HCRTR1: variants seen among roughly 807,000 people sequenced by gnomAD.
HCRTR1 encodes hypocretin receptor 1, also known as orexin/Hypocretin receptor type 1.
HCRTR1 carries 28 observed loss-of-function variants against 40.6 expected under a neutral mutation model. The ratio of observed to expected loss-of-function variants is 0.69; its 90% CI spans 0.51 to 0.95. HCRTR1 has a LOEUF of 0.95. HCRTR1 is among the 40% of genes least tolerant of loss of function. The pLI is 0.00. For missense variants in HCRTR1, 482 were observed against 564.7 expected, an observed-to-expected ratio of 0.85 and a Z score of 1.48; for synonymous variants, 209 against 230.0, an observed-to-expected ratio of 0.91 and a Z score of 0.83.
chr1:31,619,890 A>G (rs963446699), intron 4 of HCRTR1, among the ~76,000 whole-genome samples, 180 bp downstream of exon 4: 2 of 152,220 alleles, frequency 1.3e-5, no homozygotes, highest in Admixed American at 1.3e-4. Flanking sequence ...ACTCGAGGAC[A>G]CAGACACAAC....
downstream of HCRTR1, among the ~76,000 whole-genome samples, chr1:31,628,403 A>G (rs1283724445): frequency 6.6e-6 from 1 of 152,218 alleles, no homozygotes; most frequent in African/African-American, 2.4e-5. Flanking sequence ...TGCTGCCAGG[A>G]GGATGGGCTC....
chr1:31,626,726 G>A lies in HCRTR1; in HGVS notation c.1088-64G>A. 1 of 1,548,686 alleles carries A rather than the reference G, an allele frequency of 6.5e-7. No homozygotes were observed. Among genetic ancestry groups the A allele is most frequent in the Non-Finnish European group, 8.7e-7 (1 of 1,144,772 alleles). ...GGCTGGAGCTGCGTGGGTGTCCCTG[G>A]GCTCAAGGCCCCTTCCTGCTGCATC... On this transcript the variant is annotated intron_variant, in intron 8 of 8. Coordinates refer to ENST00000403528, the MANE Select transcript of HCRTR1 (RefSeq NM_001525.3). This position sits in a 1 kb window ranked among gnomAD's most constrained non-coding sequence, Gnocchi z 4.6.
chr1:31,627,962 C>T (rs1258570915), downstream of HCRTR1, among the ~76,000 whole-genome samples: 2 of 152,210 alleles, frequency 1.3e-5, no homozygotes, highest in Admixed American at 1.3e-4. Context: ...AAGGCTTGCG[C>T]CTATTTTCTA....
At chr1:31,633,944 A>G (rs1420731626), downstream of HCRTR1, among the ~76,000 whole-genome samples, 1 of 151,770 alleles carries the variant, frequency 6.6e-6, no homozygotes, top group Non-Finnish European at 1.5e-5. Context: ...AACAAAAGCG[A>G]AACTCCATCT....
At chr1:31,627,771 A>G (rs766519306), downstream of HCRTR1, among the ~76,000 whole-genome samples, 4 of 152,180 alleles carry the variant, frequency 2.6e-5, no homozygotes, top group Non-Finnish European at 4.4e-5. Flanking sequence ...GGACTCAGCC[A>G]GGCCTCGGCA....
downstream of HCRTR1, among the ~76,000 whole-genome samples, chr1:31,631,890 T>C (rs928630240): frequency 2.0e-5 from 3 of 150,512 alleles, no homozygotes; most frequent in Non-Finnish European, 4.4e-5. Context: ...GGGAGCCCTT[T>C]CTCCCTCCTG....
chr1:31,619,736 C>A (rs200436125), intron 4 of HCRTR1, 26 bp downstream of exon 4: 6 of 1,566,624 alleles, frequency 3.8e-6, no homozygotes, highest in East Asian at 4.5e-5. Context: ...GCACCCCTCA[C>A]CACTCCTTGT....
chr1:31,626,631 C>G lies in HCRTR1; in HGVS notation c.1088-159C>G, dbSNP rs568542963. Among the ~76,000 whole-genome samples the G allele has an allele frequency of 4.6e-5, 7 of 152,242 alleles. No homozygotes were observed. Among genetic ancestry groups the G allele is most frequent in the African/African-American group, 7.2e-5 (3 of 41,524 alleles). On this transcript the variant is annotated intron_variant, in intron 8 of 8. Coordinates refer to ENST00000403528, the MANE Select transcript of HCRTR1 (RefSeq NM_001525.3). This position sits in a 1 kb window ranked among gnomAD's most constrained non-coding sequence, Gnocchi z 4.6. ...TTCTGTCCTCTCTCTCTGGCGGTGC[C>G]GAGGTTGCCTCAGGGCTCTCCCTCC...
rs1160159351 is a variant in HCRTR1 at position 31,620,907 on chromosome 1, T to A, written c.443T>A (p.Ile148Asn). The change falls in exon 5 of 9, where the codon ATC becomes AAC. Residue 148 changes from isoleucine (I) to asparagine (N), a missense_variant. Transcript: ENST00000403528. ...SFIALDRWYA[I>N]CHPLLFKSTA... Reference sequence around the variant, plus strand: ...ATCGCCCTGGACCGCTGGTATGCCATCTGCCACCCACTATTGTTCAAGAGC... The same window carrying A: ...ATCGCCCTGGACCGCTGGTATGCCAACTGCCACCCACTATTGTTCAAGAGC... The A allele has an allele frequency of 1.2e-6, 2 of 1,614,180 alleles. No individual in the cohort carries two copies.
chr1:31,624,879 G>T (rs1182169664), intron 7 of HCRTR1, 118 bp from the exon 8 acceptor site: 4 of 1,133,810 alleles, frequency 3.5e-6, no homozygotes, highest in East Asian at 2.8e-5. Context: ...AGGAAACGTG[G>T]ACAGAAGTGG....
At chr1:31,623,808 C>T in intron 7 of HCRTR1, 59 bp downstream of exon 7, 1 of 1,343,548 alleles carries the variant, frequency 7.4e-7, no homozygotes, top group Admixed American at 2.0e-5. Context: ...AAGGAGCTCT[C>T]CTTGCTTGGG....
intron 6 of HCRTR1, 126 bp downstream of exon 6, chr1:31,621,718 G>C: frequency 2.8e-6 from 2 of 707,478 alleles, no homozygotes; most frequent in Admixed American, 4.7e-5. Flanking sequence ...CAACCAAAGA[G>C]AGGGGAAGCC....
chr1:31,627,302 C>A lies in HCRTR1; in HGVS notation c.*322C>A. On this transcript the variant is annotated 3_prime_UTR_variant, in exon 9 of 9. Coordinates refer to ENST00000403528, the MANE Select transcript of HCRTR1 (RefSeq NM_001525.3). ...AGAGCTTGGTCATCCTCCTAAAGACCCCTTTCCTACCCAATTACAGGCCTT... is the reference window on the plus strand; with the variant it reads ...AGAGCTTGGTCATCCTCCTAAAGACACCTTTCCTACCCAATTACAGGCCTT... 3 of 1,340,470 alleles carry A rather than the reference C, an allele frequency of 2.2e-6. No individual in the cohort carries two copies. Among genetic ancestry groups the A allele is most frequent in the Non-Finnish European group, 2.9e-6 (3 of 1,023,670 alleles). The allele number at this position is 1,340,470 out of a possible 1,614,324, so 83.0% of individuals were successfully genotyped here.
chr1:31,626,638 G>A lies in HCRTR1; in HGVS notation c.1088-152G>A. 8.1e-7 allele frequency: 1 copy of A among 1,231,428 alleles called. No homozygotes were observed. The highest frequency in any genetic ancestry group is 1.1e-6 in the Non-Finnish European group (1 of 914,576). The allele number at this position is 1,231,428 out of a possible 1,614,324, so 76.3% of individuals were successfully genotyped here. On this transcript the variant is annotated intron_variant, in intron 8 of 8. Transcript: ENST00000403528. The surrounding 1 kb of genome is among the most constrained non-coding windows in gnomAD (Gnocchi z 4.6). ...CTCTCTCTCTGGCGGTGCCGAGGTT[G>A]CCTCAGGGCTCTCCCTCCCAGCTCT... is the stretch of plus-strand genomic sequence containing the variant.
downstream of HCRTR1, among the ~76,000 whole-genome samples, chr1:31,629,704 A>G (rs992996924): frequency 8.5e-5 from 13 of 152,090 alleles, no homozygotes; most frequent in African/African-American, 3.1e-4. Flanking sequence ...GCTACCCTAT[A>G]CTTCAACTTC....
In HCRTR1 at chr1:31,625,789, C is replaced by CCAA. The variant is rs1380335813; in HGVS notation, c.1087+671_1087+672insCAA. Among the ~76,000 whole-genome samples the CCAA allele has an allele frequency of 2.6e-5, 4 of 152,184 alleles. No individual in the cohort carries two copies. Among genetic ancestry groups the CCAA allele is most frequent in the Non-Finnish European group, 5.9e-5 (4 of 68,034 alleles). On this transcript the variant is annotated intron_variant, in intron 8 of 8. Coordinates refer to ENST00000403528, the MANE Select transcript of HCRTR1 (RefSeq NM_001525.3). This position sits in a 1 kb window ranked among gnomAD's most constrained non-coding sequence, Gnocchi z 4.2. ...TGAGCTCAGCAGAAGTCTGACTCAC[C>CCAA]AGCCCTCTGACTTTGGGAATAGACT... is the stretch of plus-strand genomic sequence containing the variant.
In HCRTR1 at chr1:31,619,236, C is replaced by T. The variant is rs1639796719; in HGVS notation, c.44C>T (p.Pro15Leu). 1.2e-6 allele frequency: 2 copies of T among 1,613,468 alleles called. No individual in the cohort carries two copies. The highest frequency in any genetic ancestry group is 2.7e-5 in the African/African-American group (2 of 74,952). ...CCAGGGGCCCAGATGGGGGTCCCCCCTGGCAGCAGAGAGCCGTCCCCTGTG... is the reference window on the plus strand; with the variant it reads ...CCAGGGGCCCAGATGGGGGTCCCCCTTGGCAGCAGAGAGCCGTCCCCTGTG... Reference protein sequence around the residue: ...ATPGAQMGVPPGSREPSPVPP... With the variant: ...ATPGAQMGVPLGSREPSPVPP... Residue 15 changes from proline to leucine, a missense_variant, in exon 3 of 9, where the codon CCT becomes CTT. Pro to Leu is a moderately conservative substitution (Grantham distance 98, BLOSUM62 -3). Transcript: ENST00000403528.
Position 31,627,170 on chromosome 1 carries a change from C to G in HCRTR1, c.*190C>G. 1.4e-6 allele frequency: 2 copies of G among 1,438,398 alleles called. No individual in the cohort carries two copies. Among genetic ancestry groups the G allele is most frequent in the Non-Finnish European group, 1.9e-6 (2 of 1,080,354 alleles). The allele number at this position is 1,438,398 out of a possible 1,614,324, so 89.1% of individuals were successfully genotyped here. On this transcript the variant is annotated 3_prime_UTR_variant, in exon 9 of 9. Coordinates refer to ENST00000403528, the MANE Select transcript of HCRTR1 (RefSeq NM_001525.3). ...GATGTGAGGATTAAGCATGCTGAAG[C>G]AAGTGGAAAGCTCCTTGTAAACTGT... is the stretch of plus-strand genomic sequence containing the variant.
downstream of HCRTR1, chr1:31,630,928 C>T: frequency 8.7e-7 from 1 of 1,146,378 alleles, no homozygotes; most frequent in Non-Finnish European, 1.3e-6. Flanking sequence ...CACAACAGTT[C>T]AAGGAACTTC....
Sources: allele counts gnomAD v4.1 joint callset (sites outside exome capture counted in the v4.1 genomes callset), GRCh38; gene constraint gnomAD v4.1.1; non-coding constraint Gnocchi (gnomAD v3.1); transcripts MANE v1.5; gene names NCBI Gene and HGNC (gene_info 2026-07-23, HGNC 2026-07-21).